The following PDE7B variants were observed in gnomAD, a reference collection of about 807,000 sequenced individuals.
PDE7B encodes phosphodiesterase 7B, also known as 3',5'-cyclic-AMP phosphodiesterase 7B.
Under a neutral mutation model 56.2 loss-of-function variants are expected in PDE7B, and 29 were observed. The ratio of observed to expected loss-of-function variants is 0.52; its 90% confidence interval spans 0.38 to 0.70. The LOEUF (loss-of-function observed/expected upper bound fraction) is 0.70, where lower values mean the gene tolerates loss of function less well. Ranked by LOEUF, PDE7B falls within the 30% of genes least tolerant of loss-of-function variation. The pLI is 0.00. For missense variants in PDE7B, 490 were observed against 565.0 expected (o/e 0.87, Z 1.35); for synonymous variants, 197 against 196.9 (o/e 1.00, Z 0.00).
chr6:135,976,580 G>T (rs557218022), intron 2 of PDE7B, among the ~76,000 whole-genome samples: 1 of 152,214 alleles, frequency 6.6e-6, no homozygotes, highest in South Asian at 2.1e-4. Flanking sequence ...CTCTCTAAAT[G>T]ATTCCATAAA....
At chr6:136,040,609 G>C (rs780390875) in intron 2 of PDE7B, among the ~76,000 whole-genome samples, 1 of 152,154 alleles carries the variant, frequency 6.6e-6, no homozygotes. Flanking sequence ...AGAAAGTGGT[G>C]ATTTAAGCTG....
rs1429699482 is a variant in PDE7B, at chr6:136,137,600, A to G, written c.167-9751A>G. ...ACCTATTTCAGGGAACCAGATATACAGTTGACAGAAACAGCCTTATAATAT... is the reference window on the plus strand; with the variant it reads ...ACCTATTTCAGGGAACCAGATATACGGTTGACAGAAACAGCCTTATAATAT... On this transcript the variant is annotated intron_variant, in intron 3 of 12. Transcript: ENST00000308191. Among the ~76,000 whole-genome samples, 3 of 152,100 alleles carry G rather than the reference A, an allele frequency of 2.0e-5. 1 individual carries two copies. The highest frequency in any genetic ancestry group is 7.2e-5 in the African/African-American group (3 of 41,438).
chr6:135,885,680 C>T (rs544525657), intron 1 of PDE7B, among the ~76,000 whole-genome samples: 1 of 152,170 alleles, frequency 6.6e-6, no homozygotes, highest in Admixed American at 6.5e-5. Flanking sequence ...AAAGAGGTTA[C>T]TGAAAGAAAA....
intron 2 of PDE7B, among the ~76,000 whole-genome samples, chr6:136,053,214 C>A (rs1175595199): frequency 1.4e-4 from 17 of 118,590 alleles, no homozygotes; most frequent in Non-Finnish European, 2.0e-4. Flanking sequence ...CCCCCCTCCC[C>A]CCACCCCACA....
chr6:135,979,892 T>G (rs1018911297), intron 2 of PDE7B, among the ~76,000 whole-genome samples: 3 of 152,102 alleles, frequency 2.0e-5, no homozygotes, highest in Admixed American at 6.6e-5. Context: ...TTCAATGCCA[T>G]CCCCATCAAG....
intron 3 of PDE7B, among the ~76,000 whole-genome samples, chr6:136,121,515 A>T (rs1391515790): frequency 2.0e-5 from 3 of 152,132 alleles, no homozygotes; most frequent in Non-Finnish European, 2.9e-5. Context: ...ATCCCTTTTT[A>T]AAAAAAGGAG....
intron 11 of PDE7B, among the ~76,000 whole-genome samples, chr6:136,186,042 T>C (rs1779140104): frequency 6.6e-6 from 1 of 151,878 alleles, no homozygotes; most frequent in Non-Finnish European, 1.5e-5. Context: ...AATGTAATTG[T>C]GGGTTTTGCC....
intron 2 of PDE7B, among the ~76,000 whole-genome samples, chr6:136,102,532 A>C (rs1054667565): frequency 6.6e-6 from 1 of 152,202 alleles, no homozygotes; most frequent in African/African-American, 2.4e-5. Context: ...CCCAGATTTC[A>C]TAGTCCCCAA....
chr6:135,967,827 A>C (rs555881696), intron 2 of PDE7B, among the ~76,000 whole-genome samples: 1 of 152,212 alleles, frequency 6.6e-6, no homozygotes, highest in Non-Finnish European at 1.5e-5. Flanking sequence ...GCAAGAGCAC[A>C]TAATAGATAT....
At chr6:136,094,409 C>A (rs1411598962) in intron 2 of PDE7B, among the ~76,000 whole-genome samples, 1 of 152,172 alleles carries the variant, frequency 6.6e-6, no homozygotes, top group African/African-American at 2.4e-5. Flanking sequence ...CAGAAAGTAC[C>A]AGGCATGTTC....
chr6:136,030,554 A>G (rs954225719), intron 2 of PDE7B, among the ~76,000 whole-genome samples: 11 of 152,236 alleles, frequency 7.2e-5, no homozygotes, highest in Non-Finnish European at 1.5e-4. Context: ...CTACAGCACC[A>G]TGAATGCCTG....
intron 2 of PDE7B, among the ~76,000 whole-genome samples, chr6:136,039,328 G>A (rs1776377564): frequency 6.6e-6 from 1 of 152,088 alleles, no homozygotes; most frequent in Middle Eastern, 3.2e-3. Context: ...TGAGGAATAT[G>A]TTGCTAGATA....
At chr6:135,877,279 C>A (rs1451320091) in intron 1 of PDE7B, among the ~76,000 whole-genome samples, 1 of 149,214 alleles carries the variant, frequency 6.7e-6, no homozygotes, top group Non-Finnish European at 1.5e-5. Flanking sequence ...TTATTTACTT[C>A]TTTTTCATGT....
intron 3 of PDE7B, among the ~76,000 whole-genome samples, chr6:136,133,820 G>T (rs575956873): frequency 2.0e-5 from 3 of 152,114 alleles, no homozygotes; most frequent in Admixed American, 6.6e-5. Context: ...GTGGGCTGCC[G>T]AAGGACAGAT....
intron 3 of PDE7B, among the ~76,000 whole-genome samples, chr6:136,113,905 G>A (rs1052872027): frequency 3.3e-5 from 5 of 152,164 alleles, no homozygotes; most frequent in Non-Finnish European, 5.9e-5. Flanking sequence ...AGATGTTCCC[G>A]TGGCAACCAT....
chr6:136,181,942 G>A (rs1779073886), intron 11 of PDE7B, among the ~76,000 whole-genome samples: 2 of 152,176 alleles, frequency 1.3e-5, no homozygotes, highest in Non-Finnish European at 2.9e-5. Context: ...TAGCAAGCAG[G>A]ATCTTGATGT....
intron 2 of PDE7B, among the ~76,000 whole-genome samples, chr6:136,006,969 G>A (rs9376170): frequency 4.9e-4 from 74 of 152,128 alleles, no homozygotes; most frequent in African/African-American, 1.6e-3. Flanking sequence ...GAGAAAGAGG[G>A]CATTCTTGTC....
intron 2 of PDE7B, chr6:136,037,938 T>C (rs956460490): frequency 8.4e-7 from 1 of 1,190,360 alleles, no homozygotes; most frequent in Non-Finnish European, 1.1e-6. Context: ...ATTAATTAAG[T>C]GCTGTGAACT....
chr6:136,185,431 G>T (rs149061188), intron 11 of PDE7B, among the ~76,000 whole-genome samples: 2 of 152,172 alleles, frequency 1.3e-5, no homozygotes, highest in East Asian at 3.9e-4. Flanking sequence ...GTAAAATGGG[G>T]ATTATAATAA....
Sources: allele counts gnomAD v4.1 joint callset (sites outside exome capture counted in the v4.1 genomes callset), GRCh38; gene constraint gnomAD v4.1.1; transcripts MANE v1.5; gene names NCBI Gene and HGNC (gene_info 2026-07-23, HGNC 2026-07-21).